KLHL4: variants seen among roughly 807,000 people sequenced by gnomAD.
The protein encoded by KLHL4 is kelch like family member 4, also known as kelch-like protein 4.
Under a neutral mutation model 45.8 loss-of-function variants are expected in KLHL4, and 17 were observed. The observed-to-expected ratio is 0.37, with a 90% CI of 0.25 to 0.56. KLHL4 has a LOEUF of 0.56. Ranked by LOEUF, KLHL4 falls within the 20% of genes least tolerant of loss-of-function variation. The pLI, the probability that KLHL4 is intolerant of heterozygous loss-of-function variation, is 0.79. For synonymous variants in KLHL4, 224 were observed against 189.9 expected, an observed-to-expected ratio of 1.18 and a Z score of -1.47; for missense variants, 544 against 544.9, an observed-to-expected ratio of 1.00 and a Z score of 0.02.
At chrX:87,527,769 T>C (rs1419326317) in intron 1 of KLHL4, among the ~76,000 whole-genome samples, 1 of 106,958 alleles carries the variant, frequency 9.3e-6, no homozygotes, top group Non-Finnish European at 1.9e-5. Context: ...AGGATTCATC[T>C]GTAGGAAAGA....
intron 1 of KLHL4, among the ~76,000 whole-genome samples, chrX:87,606,357 A>G (rs919245943): frequency 1.8e-5 from 2 of 111,491 alleles, no homozygotes; most frequent in African/African-American, 3.2e-5. Context: ...TAAAATTGGT[A>G]GAAGAAAAAA....
intron 1 of KLHL4, among the ~76,000 whole-genome samples, chrX:87,530,750 T>C (rs1486147586): frequency 2.0e-5 from 2 of 101,207 alleles, no homozygotes; most frequent in Non-Finnish European, 4.0e-5. Context: ...TGTGTCTTTA[T>C]AGCAGCATGA....
At chrX:87,611,407 A>C (rs1342393293) in intron 1 of KLHL4, among the ~76,000 whole-genome samples, 4 of 110,924 alleles carry the variant, frequency 3.6e-5, no homozygotes, top group Middle Eastern at 4.7e-3. Context: ...TATGAACTGC[A>C]TCATGACATT....
chrX:87,551,608 T>TAGATAGATAGATAGATATAGATAGAA (rs761675267), intron 1 of KLHL4, among the ~76,000 whole-genome samples: 1 of 107,112 alleles, frequency 9.3e-6, no homozygotes, highest in Admixed American at 1.0e-4. Flanking sequence ...GATAGATAGA[T>TAGATAGATAGATAGATATAGATAGAA]AGAAATAGAA....
At chrX:87,664,503 CAA>C (rs1001050689) in intron 9 of KLHL4, among the ~76,000 whole-genome samples, 2 of 111,579 alleles carry the variant, frequency 1.8e-5, no homozygotes, top group African/African-American at 6.5e-5. Flanking sequence ...GAAATTTCCT[CAA>C]AGTTTATCTG....
intron 9 of KLHL4, among the ~76,000 whole-genome samples, chrX:87,655,088 C>T (rs775095869): frequency 8.9e-6 from 1 of 111,768 alleles, no homozygotes; most frequent in East Asian, 2.8e-4. Flanking sequence ...TATTTTGTCC[C>T]ATTCTGAAGA....
chrX:87,564,648 A>G (rs1932170850), intron 1 of KLHL4, among the ~76,000 whole-genome samples: 1 of 112,038 alleles, frequency 8.9e-6, no homozygotes, highest in Admixed American at 9.5e-5. Context: ...CATAGCTAAC[A>G]ACACAGCAAC....
chrX:87,604,991 T>G (rs1244149331), intron 1 of KLHL4, among the ~76,000 whole-genome samples: 1 of 111,451 alleles, frequency 9.0e-6, no homozygotes, highest in Non-Finnish European at 1.9e-5. Context: ...CAGCTGGATA[T>G]CCAATTTTCC....
chrX:87,589,911 G>T (rs1256906082), intron 1 of KLHL4, among the ~76,000 whole-genome samples: 4 of 109,047 alleles, frequency 3.7e-5, no homozygotes, highest in Non-Finnish European at 5.7e-5. Context: ...GGTGGCACAT[G>T]CCTGTAATCC....
intron 9 of KLHL4, among the ~76,000 whole-genome samples, chrX:87,637,025 C>G (rs1439331227): frequency 6.3e-5 from 7 of 111,601 alleles, no homozygotes; most frequent in Non-Finnish European, 1.3e-4. Flanking sequence ...CACCTCCTAG[C>G]TGGAGGCCAA....
intron 1 of KLHL4, among the ~76,000 whole-genome samples, chrX:87,607,444 T>C (rs1922233760): frequency 9.0e-6 from 1 of 111,502 alleles, no homozygotes; most frequent in African/African-American, 3.3e-5. Context: ...ATACCTAATG[T>C]CCTCAGTTCG....
intron 1 of KLHL4, among the ~76,000 whole-genome samples, chrX:87,530,080 C>T (rs1931216697): frequency 9.0e-6 from 1 of 110,925 alleles, no homozygotes; most frequent in African/African-American, 3.3e-5. Flanking sequence ...GTTGCCTGTT[C>T]ACTCTGATGG....
At chrX:87,654,166 T>A (rs920043756) in intron 9 of KLHL4, among the ~76,000 whole-genome samples, 3 of 111,713 alleles carry the variant, frequency 2.7e-5, no homozygotes, top group East Asian at 2.8e-4. Flanking sequence ...TTTAAAAAAA[T>A]TAGGCAGTAT....
chrX:87,648,621 T>G (rs1268173100), intron 9 of KLHL4, among the ~76,000 whole-genome samples: 1 of 110,923 alleles, frequency 9.0e-6, no homozygotes, highest in African/African-American at 3.3e-5. Flanking sequence ...AAGGATAGAA[T>G]TTAGGCAGAA....
chrX:87,635,873 T>G (rs752240197), intron 9 of KLHL4, 98 bp downstream of exon 9: 9 of 565,776 alleles, frequency 1.6e-5, no homozygotes, highest in Non-Finnish European at 2.1e-5. Flanking sequence ...ATCAGTTTAG[T>G]TCTATGCCCA....
At position 87,545,497 on chromosome X, in the gene KLHL4, A is replaced by G. The variant is rs759222459; in HGVS notation, c.422+27182A>G. Among the ~76,000 whole-genome samples, 69 of 96,249 alleles carry G rather than the reference A, an allele frequency of 7.2e-4. 1 individual carries two copies. In the Admixed American group the frequency reaches 7.4e-3, roughly 10 times the overall value. 83.6% of individuals were successfully genotyped at this position (96,249 alleles called of 115,157 possible). On this transcript the variant is annotated intron_variant, in intron 1 of 10. Coordinates refer to ENST00000373119, the MANE Select transcript of KLHL4 (RefSeq NM_019117.5). ...AGACGTGCCTGCCTCCCCCTCTGAC[A>G]TGATTGTTAAGTTTCTTGAGGTCTT...
chrX:87,588,197 A>G (rs952615769), intron 1 of KLHL4, among the ~76,000 whole-genome samples: 3 of 111,880 alleles, frequency 2.7e-5, no homozygotes, highest in African/African-American at 9.7e-5. Context: ...GAAAAAATCA[A>G]TAATGTTAAA....
At chrX:87,654,015 T>C (rs904888462) in intron 9 of KLHL4, among the ~76,000 whole-genome samples, 1 of 110,890 alleles carries the variant, frequency 9.0e-6, no homozygotes, top group Non-Finnish European at 1.9e-5. Flanking sequence ...TAAGGAAGAA[T>C]AGCTAATGCA....
rs1162412015 is a variant in KLHL4, at chrX:87,614,551, G to T, written c.708G>T (p.Leu236Phe). 8.3e-7 allele frequency: 1 copy of T among 1,206,011 alleles called. No homozygotes were observed. Among genetic ancestry groups the T allele is most frequent in the East Asian group, 3.0e-5 (1 of 33,712 alleles). ...TAGATCCAAATGCACTAAATTCCTTGGTGCAGTATGCTTACACAGGTAAGT... is the reference window on the plus strand; with the variant it reads ...TAGATCCAAATGCACTAAATTCCTTTGTGCAGTATGCTTACACAGGTAAGT... ...EGVDPNALNSLVQYAYTGVLQ... is the reference protein window; with the variant it reads ...EGVDPNALNSFVQYAYTGVLQ... The change falls in exon 3 of 11, where the codon TTG (leucine) becomes TTT (phenylalanine). Residue 236 changes from leucine (L) to phenylalanine (F), a missense_variant. By Grantham distance (22) the Leu-to-Phe change is conservative (BLOSUM62 0). Transcript: ENST00000373119.
Sources: allele counts gnomAD v4.1 joint callset (sites outside exome capture counted in the v4.1 genomes callset), GRCh38; gene constraint gnomAD v4.1.1; transcripts MANE v1.5; gene names NCBI Gene and HGNC (gene_info 2026-07-23, HGNC 2026-07-21).